The following CHL1 variants were observed in gnomAD, a reference collection of about 807,000 sequenced individuals.
CHL1 encodes neural cell adhesion molecule L1-like protein.
CHL1 carries 96 observed loss-of-function variants against 141.9 expected under a neutral mutation model. The ratio of observed to expected loss-of-function variants is 0.68; its 90% CI spans 0.57 to 0.80. The LOEUF (loss-of-function observed/expected upper bound fraction) is 0.80. Among genes scored for constraint, CHL1 ranks in the 30% least tolerant of loss-of-function variants. CHL1 has a pLI of 0.00. For missense variants in CHL1, 1,820 were observed against 1,457.2 expected (o/e 1.25, Z -4.05); for synonymous variants, 613 against 502.2 (o/e 1.22, Z -2.95).
At chr3:331,547 T>C (rs1291141927) in intron 5 of CHL1, among the ~76,000 whole-genome samples, 1 of 152,146 alleles carries the variant, frequency 6.6e-6, no homozygotes, top group Admixed American at 6.6e-5. Flanking sequence ...CAGTGTGGGA[T>C]GATTTCTTTA....
intron 19 of CHL1, among the ~76,000 whole-genome samples, chr3:388,550 GA>G (rs11319131): frequency 0.94 from 130,427 of 138,666 alleles, 61,523 homozygotes; most frequent in Non-Finnish European, 0.99. Flanking sequence ...TCCGTCTCAA[GA>G]AAAAAAAAAA....
intron 11 of CHL1, among the ~76,000 whole-genome samples, chr3:356,271 A>G (rs928215854): frequency 2.6e-5 from 4 of 152,248 alleles, no homozygotes; most frequent in Non-Finnish European, 5.9e-5. Flanking sequence ...GATTCTCCGG[A>G]ACACAAAATC....
chr3:344,573 C>G lies in CHL1; in HGVS notation c.728-16C>G, dbSNP rs776046049. 3 of 1,590,656 alleles carry G rather than the reference C, an allele frequency of 1.9e-6. No homozygotes were observed. The Admixed American group carries it at 5.5e-5, about 29-fold the overall frequency. ...TTAATTTGAAAAAATTCTGACTTTT[C>G]TTTTCTATTTTGTAGCAAATTCCAT... is the stretch of plus-strand genomic sequence containing the variant. On this transcript the variant is annotated splice_polypyrimidine_tract_variant and intron_variant, in intron 8 of 27. Transcript: ENST00000256509.
At chr3:322,651 T>TATATATATATATAATTATATATATAAA (rs991870749) in intron 3 of CHL1, among the ~76,000 whole-genome samples, 6 of 77,608 alleles carry the variant, frequency 7.7e-5, no homozygotes, top group African/African-American at 3.9e-4. Flanking sequence ...ATAAAATATA[T>TATATATATATATAATTATATATATAAA]ATATATATAT....
intron 1 of CHL1, among the ~76,000 whole-genome samples, chr3:236,511 T>A (rs906604768): frequency 6.6e-6 from 1 of 152,202 alleles, no homozygotes; most frequent in Non-Finnish European, 1.5e-5. Flanking sequence ...AAACTATGCC[T>A]GCACTGGCCA....
intron 1 of CHL1, among the ~76,000 whole-genome samples, chr3:226,430 T>C (rs1701358887): frequency 6.8e-6 from 1 of 148,114 alleles, no homozygotes; most frequent in African/African-American, 2.5e-5. Flanking sequence ...ATATATATTT[T>C]TTAATTTTAT....
intron 2 of CHL1, among the ~76,000 whole-genome samples, chr3:301,133 T>C (rs1317588816): frequency 6.6e-6 from 1 of 152,116 alleles, no homozygotes; most frequent in Admixed American, 6.6e-5. Flanking sequence ...GCAATACAGA[T>C]AGGAAGTGCT....
intron 1 of CHL1, among the ~76,000 whole-genome samples, chr3:210,359 C>T (rs185399710): frequency 6.6e-6 from 1 of 152,344 alleles, no homozygotes; most frequent in African/African-American, 2.4e-5. Flanking sequence ...GTGATTTCTT[C>T]TGCCCCATTT....
intron 2 of CHL1, among the ~76,000 whole-genome samples, chr3:262,872 A>T (rs1340396381): frequency 6.6e-6 from 1 of 152,216 alleles, no homozygotes; most frequent in Non-Finnish European, 1.5e-5. Context: ...TAATCAAAAC[A>T]CACCTGTGAG....
chr3:268,403 TG>T (rs2125232374), intron 2 of CHL1, among the ~76,000 whole-genome samples: 1 of 152,040 alleles, frequency 6.6e-6, no homozygotes, highest in African/African-American at 2.4e-5. Flanking sequence ...GGCACAGTGG[TG>T]GGCACCTGTA....
At chr3:238,983 G>T (rs1293494927) in intron 1 of CHL1, among the ~76,000 whole-genome samples, 1 of 151,328 alleles carries the variant, frequency 6.6e-6, no homozygotes, top group Non-Finnish European at 1.5e-5. Context: ...TGTCTTGTGA[G>T]AATAAGGCAT....
intron 1 of CHL1, among the ~76,000 whole-genome samples, chr3:211,827 T>C (rs1039818615): frequency 2.6e-5 from 4 of 152,192 alleles, no homozygotes; most frequent in Admixed American, 1.3e-4. Context: ...GAATGAAAGA[T>C]ACAATGTCTA....
chr3:207,686 G>C (rs779092765), intron 1 of CHL1, among the ~76,000 whole-genome samples: 1 of 152,134 alleles, frequency 6.6e-6, no homozygotes, highest in Non-Finnish European at 1.5e-5. Context: ...CCATAAAGAA[G>C]ATCTGAGTGA....
Position 326,065 on chromosome 3 carries a change from G to GT in CHL1, c.197+2dup, listed in dbSNP as rs749570883. On this transcript the variant is annotated splice_donor_variant, in intron 4 of 27. Coordinates refer to ENST00000256509, the MANE Select transcript of CHL1 (RefSeq NM_006614.4). LOFTEE classifies it high-confidence loss of function. ...AAGCTAAAGGAAATCCAGAACCAAC[G>GT]TGAGTATTGTTTCAAACGAAGTGGT... 2.5e-6 allele frequency: 4 copies of GT among 1,589,464 alleles called. No individual in the cohort carries two copies. The highest frequency in any genetic ancestry group is 2.6e-6 in the Non-Finnish European group (3 of 1,158,974).
intron 1 of CHL1, among the ~76,000 whole-genome samples, chr3:226,060 C>T (rs1430316975): frequency 6.6e-6 from 1 of 151,206 alleles, no homozygotes; most frequent in Non-Finnish European, 1.5e-5. Flanking sequence ...CTCGTTCCGT[C>T]GCCCAGGAGA....
intron 2 of CHL1, among the ~76,000 whole-genome samples, chr3:266,693 G>A (rs1268597915): frequency 6.6e-6 from 1 of 152,168 alleles, no homozygotes; most frequent in Non-Finnish European, 1.5e-5. Flanking sequence ...AGCAAATAAA[G>A]CAAGAGCAAA....
chr3:223,863 C>G (rs1701088435), intron 1 of CHL1, among the ~76,000 whole-genome samples: 1 of 152,150 alleles, frequency 6.6e-6, no homozygotes, highest in Non-Finnish European at 1.5e-5. Flanking sequence ...AAGCTGTCTT[C>G]TTACATGAAG....
chr3:363,464 A>G, intron 14 of CHL1, 81 bp downstream of exon 14: 1 of 1,275,552 alleles, frequency 7.8e-7, no homozygotes, highest in Non-Finnish European at 1.1e-6. Flanking sequence ...GAATAATACC[A>G]TTTAAGTTGG....
intron 2 of CHL1, among the ~76,000 whole-genome samples, chr3:291,429 T>C (rs956714956): frequency 4.0e-5 from 6 of 151,588 alleles, no homozygotes; most frequent in Admixed American, 2.6e-4. Context: ...TTTTATTTTT[T>C]CTTTTCTCTT....
Sources: gnomAD v4.1 joint callset for allele counts (sites outside exome capture counted in the v4.1 genomes callset) on GRCh38, gnomAD v4.1.1 for gene constraint, MANE v1.5 for transcripts, NCBI Gene and HGNC (gene_info 2026-07-23, HGNC 2026-07-21) for gene names.